The following MTA3 variants were observed in gnomAD, a reference collection of about 807,000 sequenced individuals.
MTA3 encodes metastasis-associated protein MTA3.
A neutral mutation model predicts 83.5 loss-of-function variants in MTA3; 34 were observed. The observed-to-expected ratio is 0.41, with a 90% confidence interval of 0.31 to 0.54. The LOEUF (loss-of-function observed/expected upper bound fraction) is 0.54, where lower values mean the gene tolerates loss of function less well. Ranked by LOEUF, MTA3 falls within the 20% of genes least tolerant of loss-of-function variation. The pLI, the probability that MTA3 is intolerant of heterozygous loss-of-function variation, is 0.33. For synonymous variants in MTA3, 303 were observed against 252.7 expected, an observed-to-expected ratio of 1.20 and a Z score of -1.89; for missense variants, 761 against 726.4, an observed-to-expected ratio of 1.05 and a Z score of -0.55.
intron 9 of MTA3, among the ~76,000 whole-genome samples, chr2:42,688,012 C>T (rs1207628057): frequency 6.6e-6 from 1 of 152,210 alleles, no homozygotes; most frequent in African/African-American, 2.4e-5. Context: ...CTTGTAGGCT[C>T]CAGCTCATGC....
At chr2:42,630,071 C>G (rs114731079) in intron 4 of MTA3, among the ~76,000 whole-genome samples, 2 of 151,994 alleles carry the variant, frequency 1.3e-5, no homozygotes, top group Non-Finnish European at 2.9e-5. Flanking sequence ...CTAACACACC[C>G]GGCAAAAAAC....
At chr2:42,568,909 C>T (rs1181128764) in intron 1 of MTA3, 136 bp downstream of exon 1, 5 of 896,576 alleles carry the variant, frequency 5.6e-6, no homozygotes, top group Non-Finnish European at 7.2e-6. Flanking sequence ...CCGGGGCCCG[C>T]AGAGGGGCCG....
chr2:42,677,955 G>A (rs972960936), intron 8 of MTA3, among the ~76,000 whole-genome samples: 2 of 152,072 alleles, frequency 1.3e-5, no homozygotes, highest in African/African-American at 4.8e-5. Context: ...CTGAAACCTT[G>A]GAAAGTAAAA....
At chr2:42,642,828 A>G (rs528422201) in intron 5 of MTA3, among the ~76,000 whole-genome samples, 76 of 152,064 alleles carry the variant, frequency 5.0e-4, no homozygotes, top group African/African-American at 1.7e-3. Flanking sequence ...TATTTTTAGT[A>G]GAGACGGGAT....
At chr2:42,524,759 A>G (rs1409074612) in intron 2 of MTA3, among the ~76,000 whole-genome samples, 1 of 151,458 alleles carries the variant, frequency 6.6e-6, no homozygotes, top group Non-Finnish European at 1.5e-5. Context: ...TCAGAACCTG[A>G]AAACACTAGG....
At chr2:42,604,274 C>A (rs1280701826) in intron 3 of MTA3, among the ~76,000 whole-genome samples, 1 of 151,182 alleles carries the variant, frequency 6.6e-6, no homozygotes, top group Non-Finnish European at 1.5e-5. Flanking sequence ...AACTCCTGAC[C>A]TCAGGTGATC....
At chr2:42,749,875 A>C (rs992527596) in intron 16 of MTA3, among the ~76,000 whole-genome samples, 2 of 152,172 alleles carry the variant, frequency 1.3e-5, no homozygotes, top group African/African-American at 4.8e-5. Flanking sequence ...CAGTCCTTCT[A>C]TGTGCTTCCC....
chr2:42,599,431 A>T (rs1047238589), intron 3 of MTA3, among the ~76,000 whole-genome samples: 56 of 151,508 alleles, frequency 3.7e-4, no homozygotes, highest in African/African-American at 1.4e-3. Context: ...CGTCTCTACT[A>T]AAAAAAATAC....
intron 7 of MTA3, among the ~76,000 whole-genome samples, chr2:42,658,071 C>CAAAAAAAAAAAAAAAAAAAAAA (rs59628946): frequency 3.9e-5 from 2 of 51,932 alleles, no homozygotes; most frequent in African/African-American, 7.9e-5. Flanking sequence ...GACTCTGTCT[C>CAAAAAAAAAAAAAAAAAAAAAA]AAAAAAAAAA....
At chr2:42,628,393 A>T (rs1271012343) in intron 4 of MTA3, among the ~76,000 whole-genome samples, 1 of 151,652 alleles carries the variant, frequency 6.6e-6, no homozygotes, top group Non-Finnish European at 1.5e-5. Flanking sequence ...AGCATGCTTG[A>T]CTAAATTTTT....
intron 2 of MTA3, among the ~76,000 whole-genome samples, chr2:42,572,818 C>G (rs1678640786): frequency 6.6e-6 from 1 of 152,186 alleles, no homozygotes; most frequent in African/African-American, 2.4e-5. Flanking sequence ...ACCTCTTCCT[C>G]CCAGGTTCAA....
chr2:42,688,853 T>A (rs574788667), intron 9 of MTA3, among the ~76,000 whole-genome samples: 4 of 152,272 alleles, frequency 2.6e-5, no homozygotes, highest in Non-Finnish European at 5.9e-5. Context: ...GGCTAGTATT[T>A]CCAATACAGT....
intron 16 of MTA3, among the ~76,000 whole-genome samples, chr2:42,751,088 G>T (rs537935585): frequency 6.6e-6 from 1 of 152,228 alleles, no homozygotes; most frequent in South Asian, 2.1e-4. Context: ...AAATTCTGTG[G>T]TTTCTTCTCT....
chr2:42,574,313 G>C (rs1222965034), intron 2 of MTA3, among the ~76,000 whole-genome samples: 1 of 150,780 alleles, frequency 6.6e-6, no homozygotes, highest in South Asian at 2.1e-4. Flanking sequence ...TTTTAGCAGA[G>C]ATGGGGTTTC....
intron 16 of MTA3, among the ~76,000 whole-genome samples, chr2:42,742,552 T>G (rs1446555517): frequency 6.6e-6 from 1 of 152,120 alleles, no homozygotes; most frequent in Non-Finnish European, 1.5e-5. Flanking sequence ...AGTTGGGGCA[T>G]AGGAGCTATA....
intron 6 of MTA3, among the ~76,000 whole-genome samples, chr2:42,653,710 TCTTA>T (rs776383053): frequency 3.3e-5 from 5 of 152,248 alleles, no homozygotes; most frequent in East Asian, 1.9e-4. Context: ...TTCTTCTAAG[TCTTA>T]CTTCTGCTAT....
chr2:42,549,651 A>G (rs1387354192), intron 2 of MTA3, among the ~76,000 whole-genome samples: 1 of 128,660 alleles, frequency 7.8e-6, no homozygotes, highest in East Asian at 2.0e-4. Flanking sequence ...AATATATAAT[A>G]TATTATATAC....
At chr2:42,655,256 G>T (rs1387643064) in intron 6 of MTA3, among the ~76,000 whole-genome samples, 2 of 152,252 alleles carry the variant, frequency 1.3e-5, no homozygotes, top group Non-Finnish European at 2.9e-5. Context: ...ATCTATGTAG[G>T]ATCTTCAGTA....
intron 2 of MTA3, among the ~76,000 whole-genome samples, chr2:42,531,540 C>T (rs1572934482): frequency 6.7e-6 from 1 of 149,442 alleles, no homozygotes; most frequent in African/African-American, 2.5e-5. Context: ...GCAACCTCTG[C>T]CTCCCGGGTT....
Sources: gnomAD v4.1 joint callset for allele counts (sites outside exome capture counted in the v4.1 genomes callset) on GRCh38, gnomAD v4.1.1 for gene constraint, MANE v1.5 for transcripts, NCBI Gene and HGNC (gene_info 2026-07-23, HGNC 2026-07-21) for gene names.